PCDH15: variants seen among roughly 807,000 people sequenced by gnomAD.
PCDH15 encodes protocadherin related 15.
In PCDH15, 129 loss-of-function variants were observed where a neutral mutation model predicts 178.5. The observed-to-expected ratio is 0.72, with a 90% CI of 0.63 to 0.84. The LOEUF is 0.84. Among genes scored for constraint, PCDH15 ranks in the 40% least tolerant of loss-of-function variants. The probability of loss-of-function intolerance (pLI) is 0.00; values close to 1 mark genes in which losing one functional copy is unlikely to be tolerated. For synonymous variants in PCDH15, 800 were observed against 732.0 expected (o/e 1.09, Z -1.50); for missense variants, 2,230 against 2,099.9 (o/e 1.06, Z -1.21).
chr10:54,784,113 G>T (rs547243117), intron 1 of PCDH15, among the ~76,000 whole-genome samples: 3 of 152,006 alleles, frequency 2.0e-5, no homozygotes, highest in African/African-American at 7.2e-5. Flanking sequence ...GCAAGAAATT[G>T]CCCCCAGGAT....
chr10:54,872,160 TA>T (rs1954050781), intron 3 of PCDH15, among the ~76,000 whole-genome samples: 1 of 151,966 alleles, frequency 6.6e-6, no homozygotes, highest in Non-Finnish European at 1.5e-5. Context: ...GAAATATGTA[TA>T]TATGTATTTA....
intron 8 of PCDH15, among the ~76,000 whole-genome samples, chr10:54,254,346 G>A (rs2056738881): frequency 6.6e-6 from 1 of 151,990 alleles, no homozygotes; most frequent in South Asian, 2.1e-4. Context: ...GCAACATAAA[G>A]TTTTAATGCT....
At chr10:54,847,355 C>T (rs949955632) in intron 3 of PCDH15, among the ~76,000 whole-genome samples, 1 of 151,974 alleles carries the variant, frequency 6.6e-6, no homozygotes, top group Non-Finnish European at 1.5e-5. Context: ...TATACTGTAG[C>T]CTTAATATGT....
chr10:55,168,432 T>TA (rs2132120517), intron 1 of PCDH15, among the ~76,000 whole-genome samples: 1 of 152,320 alleles, frequency 6.6e-6, no homozygotes, highest in East Asian at 1.9e-4. Context: ...ATAACCACAA[T>TA]AGGAGGAAAG....
intron 2 of PCDH15, among the ~76,000 whole-genome samples, chr10:55,112,921 T>C (rs1837544352): frequency 6.6e-6 from 1 of 152,000 alleles, no homozygotes; most frequent in Non-Finnish European, 1.5e-5. Context: ...CTCACAGAGG[T>C]CAGTCCACTC....
intron 11 of PCDH15, among the ~76,000 whole-genome samples, chr10:54,194,717 T>C (rs923426015): frequency 4.8e-5 from 7 of 146,156 alleles, no homozygotes; most frequent in African/African-American, 1.4e-4. Flanking sequence ...TATACCTGTG[T>C]ATATGTCTAT....
chr10:54,498,988 C>T (rs766069938), intron 3 of PCDH15, among the ~76,000 whole-genome samples: 1 of 151,984 alleles, frequency 6.6e-6, no homozygotes, highest in African/African-American at 2.4e-5. Context: ...TGAGAACTTA[C>T]TCACTATCAC....
intron 1 of PCDH15, among the ~76,000 whole-genome samples, chr10:54,800,520 A>G (rs1328857901): frequency 6.6e-6 from 1 of 152,158 alleles, no homozygotes; most frequent in East Asian, 1.9e-4. Context: ...AAAACAAATC[A>G]TCAATATTTG....
At chr10:55,572,414 C>T (rs866818076) in intron 2 of PCDH15, among the ~76,000 whole-genome samples, 5 of 150,776 alleles carry the variant, frequency 3.3e-5, no homozygotes, top group Admixed American at 6.6e-5. Flanking sequence ...CAATATAAAC[C>T]ACCTAGCTAG....
intron 1 of PCDH15, among the ~76,000 whole-genome samples, chr10:55,298,805 T>C (rs1367657067): frequency 2.6e-5 from 4 of 152,118 alleles, no homozygotes; most frequent in African/African-American, 9.7e-5. Flanking sequence ...CTCCAACTCC[T>C]GACCTCAGGT....
At chr10:55,288,440 T>C (rs1842928761) in intron 1 of PCDH15, among the ~76,000 whole-genome samples, 1 of 151,896 alleles carries the variant, frequency 6.6e-6, no homozygotes, top group African/African-American at 2.4e-5. Context: ...CAATGTGGTA[T>C]TGCTAACTCT....
chr10:53,843,662 A>C (rs2132818115), intron 28 of PCDH15, among the ~76,000 whole-genome samples: 1 of 152,190 alleles, frequency 6.6e-6, no homozygotes, highest in Admixed American at 6.5e-5. Flanking sequence ...AAATCTCCTT[A>C]ACTCCCTATT....
chr10:54,707,329 G>A (rs2095375659), intron 1 of PCDH15, among the ~76,000 whole-genome samples: 1 of 152,128 alleles, frequency 6.6e-6, no homozygotes. Flanking sequence ...AGATACCACT[G>A]TTCTTGCCCA....
intron 2 of PCDH15, among the ~76,000 whole-genome samples, chr10:55,141,024 T>G (rs918594929): frequency 2.6e-5 from 4 of 152,060 alleles, no homozygotes; most frequent in African/African-American, 9.6e-5. Flanking sequence ...TTTTTCCTTT[T>G]TTAAATTGAT....
At chr10:55,395,239 C>T (rs1837899315) in intron 2 of PCDH15, among the ~76,000 whole-genome samples, 1 of 144,892 alleles carries the variant, frequency 6.9e-6, no homozygotes, top group Non-Finnish European at 1.5e-5. Flanking sequence ...GAGAAAGAGA[C>T]TACGTACGTT....
At chr10:54,886,978 T>A (rs1448837734) in intron 3 of PCDH15, among the ~76,000 whole-genome samples, 1 of 152,230 alleles carries the variant, frequency 6.6e-6, no homozygotes, top group Non-Finnish European at 1.5e-5. Context: ...TTTTAAAAAT[T>A]ACAGATGTTC....
chr10:54,968,681 C>G (rs1301379533), intron 2 of PCDH15, among the ~76,000 whole-genome samples: 1 of 151,952 alleles, frequency 6.6e-6, no homozygotes, highest in Non-Finnish European at 1.5e-5. Context: ...TAGAGTCTGT[C>G]GAATCTGGAA....
chr10:54,782,749 G>T (rs1950498375), intron 1 of PCDH15, among the ~76,000 whole-genome samples: 1 of 151,980 alleles, frequency 6.6e-6, no homozygotes, highest in African/African-American at 2.4e-5. Flanking sequence ...ACATCCAGTG[G>T]TAGTACTGCC....
chr10:54,300,011 TCAGA>T (rs1671422165), intron 8 of PCDH15, among the ~76,000 whole-genome samples: 1 of 152,200 alleles, frequency 6.6e-6, no homozygotes, highest in Non-Finnish European at 1.5e-5. Context: ...AAAGGAATTC[TCAGA>T]CAGTTTGCAA....
Sources: allele counts gnomAD v4.1 joint callset (sites outside exome capture counted in the v4.1 genomes callset), GRCh38; gene constraint gnomAD v4.1.1; transcripts MANE v1.5; gene names NCBI Gene and HGNC (gene_info 2026-07-23, HGNC 2026-07-21).